The following TPTE variants were observed in gnomAD, a reference collection of about 807,000 sequenced individuals.
TPTE encodes putative tyrosine-protein phosphatase TPTE.
A neutral mutation model predicts 84.1 loss-of-function variants in TPTE; 59 were observed. The observed-to-expected ratio is 0.70, with a 90% confidence interval of 0.57 to 0.87. The LOEUF (loss-of-function observed/expected upper bound fraction) is 0.87, where lower values mean the gene tolerates loss of function less well. Among genes scored for constraint, TPTE ranks in the 40% least tolerant of loss-of-function variants. TPTE has a pLI of 0.00. For synonymous variants in TPTE, 130 were observed against 223.5 expected (o/e 0.58, Z 3.73); for missense variants, 382 against 659.6 (o/e 0.58, Z 4.61).
At chr21:10,556,268 C>T (rs2074681655) in intron 8 of TPTE, among the ~76,000 whole-genome samples, 1 of 152,310 alleles carries the variant, frequency 6.6e-6, no homozygotes, top group South Asian at 2.1e-4. Flanking sequence ...GTTCAATTCC[C>T]ACCTATGAGT....
chr21:10,573,707 C>G (rs1213065264), intron 14 of TPTE, among the ~76,000 whole-genome samples: 1 of 152,302 alleles, frequency 6.6e-6, no homozygotes, highest in Non-Finnish European at 1.5e-5. Flanking sequence ...TATTATGTGT[C>G]AATTAAAAAT....
At position 10,602,428 on chromosome 21, in the gene TPTE, A is replaced by G. The variant is rs1468421556; in HGVS notation, c.1449+278A>G. ...AACACACACACAAAGTCAAGATGCT[A>G]AAAAAAAAAAACCCCAAAGGTATGT... is the stretch of plus-strand genomic sequence containing the variant. On this transcript the variant is annotated intron_variant, in intron 22 of 23. Coordinates refer to ENST00000618007, the MANE Select transcript of TPTE (RefSeq NM_199261.4). 0.013 allele frequency among the ~76,000 whole-genome samples: 3 copies of G among 224 alleles called. No homozygotes were observed. In the Admixed American group the frequency reaches 0.17, roughly 12 times the overall value. The allele number at this position is 224 out of a possible 152,430, so 0.1% of individuals were successfully genotyped here. A position where few individuals can be genotyped will look rare whatever the true frequency, so the allele number is the denominator to read the frequency against.
intron 17 of TPTE, among the ~76,000 whole-genome samples, chr21:10,588,597 A>G (rs1412484922): frequency 6.6e-6 from 1 of 152,308 alleles, no homozygotes; most frequent in African/African-American, 2.4e-5. Flanking sequence ...TCCATCAAAT[A>G]TGTTTTCCAG....
chr21:10,595,359 C>T (rs375369533), intron 19 of TPTE, among the ~76,000 whole-genome samples: 1,206 of 150,314 alleles, frequency 8.0e-3, no homozygotes, highest in South Asian at 0.045. Flanking sequence ...GAATTCTGAA[C>T]CAGTTGTTTG....
chr21:10,599,440 C>A (rs567158877), intron 21 of TPTE, among the ~76,000 whole-genome samples: 1 of 152,308 alleles, frequency 6.6e-6, no homozygotes, highest in African/African-American at 2.4e-5. Context: ...AGAAGACACA[C>A]TGTGTGCCTG....
At chr21:10,559,781 G>A (rs996129389) in intron 9 of TPTE, among the ~76,000 whole-genome samples, 4 of 151,406 alleles carry the variant, frequency 2.6e-5, no homozygotes, top group African/African-American at 4.9e-5. Context: ...GGCTGAGGCA[G>A]AAGAATCGCT....
chr21:10,574,580 C>T (rs1292706978), intron 14 of TPTE, among the ~76,000 whole-genome samples: 12 of 152,260 alleles, frequency 7.9e-5, no homozygotes, highest in African/African-American at 2.7e-4. Context: ...TCAGCACCTT[C>T]AACTGAGATA....
At chr21:10,525,581 A>G (rs1448205005) in intron 2 of TPTE, among the ~76,000 whole-genome samples, 1 of 152,306 alleles carries the variant, frequency 6.6e-6, no homozygotes, top group Non-Finnish European at 1.5e-5. Context: ...CCTACTTTTC[A>G]TTATAACCTG....
chr21:10,558,542 T>C (rs2074729428), intron 8 of TPTE, among the ~76,000 whole-genome samples: 1 of 152,310 alleles, frequency 6.6e-6, no homozygotes, highest in Admixed American at 6.5e-5. Context: ...GCCACATGCA[T>C]GTCTTCTTTT....
Position 10,598,076 on chromosome 21 carries a change from T to A in TPTE, c.1338T>A (p.Ile446=). The A allele has an allele frequency of 6.2e-7, 1 of 1,613,800 alleles. No individual in the cohort carries two copies. Residue 446 remains isoleucine (I), a synonymous_variant, in exon 21 of 24, where the codon ATT becomes ATA. Transcript: ENST00000618007. ...EMEKKVVFST[I]SLGKCSVLDN... ...AGAAAAAGGTTGTCTTTTCCACTAT[T>A]TCATTAGGAAAATGTTCGGTAAGAG...
intron 8 of TPTE, among the ~76,000 whole-genome samples, chr21:10,559,057 C>G (rs1214342857): frequency 6.6e-6 from 1 of 152,306 alleles, no homozygotes; most frequent in Admixed American, 6.5e-5. Flanking sequence ...CATTTACTCC[C>G]TATGCTCATT....
chr21:10,567,192 G>C lies in TPTE; in HGVS notation c.447-478G>C, dbSNP rs527558672. ...GGCTAGGAATGGTAGTAGGGGCTTG[G>C]GGGTGGGGAGATGGGGATGGTTAAT... is the stretch of plus-strand genomic sequence containing the variant. On this transcript the variant is annotated intron_variant, in intron 10 of 23. Transcript: ENST00000618007. Among the ~76,000 whole-genome samples, 7 of 152,426 alleles carry C rather than the reference G, an allele frequency of 4.6e-5. No individual in the cohort carries two copies. The East Asian group carries it at 1.3e-3, about 29-fold the overall frequency.
At chr21:10,525,316 A>G (rs1325987597) in intron 2 of TPTE, among the ~76,000 whole-genome samples, 1 of 152,304 alleles carries the variant, frequency 6.6e-6, no homozygotes, top group African/African-American at 2.4e-5. Flanking sequence ...CATAAACAGG[A>G]TAAAGGTGTA....
intron 14 of TPTE, among the ~76,000 whole-genome samples, chr21:10,572,187 C>T (rs368838756): frequency 4.1e-3 from 621 of 151,518 alleles, no homozygotes; most frequent in Non-Finnish European, 3.2e-3. Context: ...CGGTGTCTCA[C>T]ACCTGTAATC....
chr21:10,561,003 ATTTAT>A, intron 9 of TPTE, 22 bp from the exon 10 acceptor site: 1 of 1,588,014 alleles, frequency 6.3e-7, no homozygotes, highest in African/African-American at 1.5e-5. Context: ...GCATTTATTT[ATTTAT>A]TTATTTATTT....
chr21:10,601,061 T>C (rs888542311), intron 21 of TPTE, among the ~76,000 whole-genome samples: 1 of 152,312 alleles, frequency 6.6e-6, no homozygotes, highest in East Asian at 1.9e-4. Flanking sequence ...TTTTTGAATG[T>C]CAATGCTAGC....
intron 10 of TPTE, among the ~76,000 whole-genome samples, chr21:10,566,941 C>T (rs1324402088): frequency 2.7e-5 from 4 of 150,770 alleles, no homozygotes; most frequent in Non-Finnish European, 5.9e-5. Flanking sequence ...CACGCCATTG[C>T]ACTCCAGCCT....
intron 3 of TPTE, among the ~76,000 whole-genome samples, chr21:10,537,677 C>CAA (rs58515233): frequency 5.5e-5 from 6 of 109,752 alleles, no homozygotes; most frequent in South Asian, 2.9e-4. Flanking sequence ...GACTCCCCCT[C>CAA]AAAAAAAAAA....
At chr21:10,577,853 A>G (rs1449520320) in intron 15 of TPTE, among the ~76,000 whole-genome samples, 1 of 152,312 alleles carries the variant, frequency 6.6e-6, no homozygotes, top group Non-Finnish European at 1.5e-5. Flanking sequence ...TAGACAATTT[A>G]ACAAATGAGT....
Sources: gnomAD v4.1 joint callset for allele counts (sites outside exome capture counted in the v4.1 genomes callset) on GRCh38, gnomAD v4.1.1 for gene constraint, MANE v1.5 for transcripts, NCBI Gene and HGNC (gene_info 2026-07-23, HGNC 2026-07-21) for gene names.